CFDP1: variants seen among roughly 807,000 people sequenced by gnomAD.
CFDP1 encodes the protein heterochromatin-stabilizing protein CFDP1.
In CFDP1, 31 loss-of-function variants were observed where a neutral mutation model predicts 40.1. The observed-to-expected ratio is 0.77, with a 90% CI of 0.58 to 1.04. CFDP1 has a LOEUF of 1.04. CFDP1 is among the 50% of genes least tolerant of loss of function. The pLI, the probability that CFDP1 is intolerant of heterozygous loss-of-function variation, is 0.00. For missense variants in CFDP1, 423 were observed against 343.4 expected, an observed-to-expected ratio of 1.23 and a Z score of -1.83; for synonymous variants, 167 against 120.0, an observed-to-expected ratio of 1.39 and a Z score of -2.56.
chr16:75,426,366 A>T (rs1457348671), intron 1 of CFDP1, among the ~76,000 whole-genome samples: 1 of 151,934 alleles, frequency 6.6e-6, no homozygotes, highest in Admixed American at 6.6e-5. Flanking sequence ...AACAAAAACA[A>T]CAACAAAGTA....
chr16:75,341,664 A>G (rs1271937269), intron 5 of CFDP1, among the ~76,000 whole-genome samples: 1 of 151,928 alleles, frequency 6.6e-6, no homozygotes, highest in East Asian at 1.9e-4. Flanking sequence ...AGAAAGGAAA[A>G]AAAAAAAAGG....
intron 5 of CFDP1, among the ~76,000 whole-genome samples, chr16:75,355,939 T>C (rs527240536): frequency 2.0e-5 from 3 of 152,250 alleles, no homozygotes; most frequent in African/African-American, 7.2e-5. Flanking sequence ...ATACAGGCTA[T>C]ACTTCTCATA....
intron 5 of CFDP1, among the ~76,000 whole-genome samples, chr16:75,358,478 T>TA (rs11373935): frequency 0.52 from 79,410 of 151,996 alleles, 21,708 homozygotes; most frequent in Admixed American, 0.64. Context: ...TAAAATGAGG[T>TA]ATTTATTAAA....
At chr16:75,338,675 C>T (rs117413308) in intron 5 of CFDP1, among the ~76,000 whole-genome samples, 6,649 of 152,166 alleles carry the variant, frequency 0.044, 207 homozygotes, top group Non-Finnish European at 0.066. Flanking sequence ...TTGATCCCCC[C>T]CTTTCATTTT....
intron 1 of CFDP1, among the ~76,000 whole-genome samples, chr16:75,432,201 C>T (rs1294545458): frequency 6.7e-6 from 1 of 149,810 alleles, no homozygotes; most frequent in South Asian, 2.1e-4. Flanking sequence ...TGAGCCACCG[C>T]GCCAGGAATG....
At chr16:75,364,567 T>C (rs1336943092) in intron 5 of CFDP1, among the ~76,000 whole-genome samples, 1 of 152,238 alleles carries the variant, frequency 6.6e-6, no homozygotes, top group Non-Finnish European at 1.5e-5. Context: ...CTCTGACAGC[T>C]AATGGAATGT....
At chr16:75,330,163 A>G (rs1239402775) in intron 5 of CFDP1, among the ~76,000 whole-genome samples, 2 of 152,222 alleles carry the variant, frequency 1.3e-5, no homozygotes, top group African/African-American at 4.8e-5. Flanking sequence ...ATATTCCTCA[A>G]TGACCCACAT....
chr16:75,385,470 T>G (rs912510125), intron 5 of CFDP1, among the ~76,000 whole-genome samples: 7 of 152,092 alleles, frequency 4.6e-5, no homozygotes, highest in African/African-American at 1.7e-4. Flanking sequence ...AACAACAAAG[T>G]TTTTGTATCC....
intron 1 of CFDP1, among the ~76,000 whole-genome samples, chr16:75,419,442 G>C (rs1356768803): frequency 6.6e-6 from 1 of 152,152 alleles, no homozygotes; most frequent in Non-Finnish European, 1.5e-5. Flanking sequence ...GAATTAGAAA[G>C]ACATCACTTC....
chr16:75,429,787 A>G (rs1646656576), intron 1 of CFDP1, among the ~76,000 whole-genome samples: 1 of 152,236 alleles, frequency 6.6e-6, no homozygotes, highest in Non-Finnish European at 1.5e-5. Flanking sequence ...GATGATTTAT[A>G]CAATTCTAAA....
chr16:75,407,124 T>G (rs1428869366), intron 4 of CFDP1, among the ~76,000 whole-genome samples: 2 of 152,172 alleles, frequency 1.3e-5, no homozygotes, highest in Admixed American at 6.6e-5. Context: ...GGAGGATCAC[T>G]TGAGCCCATG....
intron 6 of CFDP1, among the ~76,000 whole-genome samples, chr16:75,299,986 G>A (rs1032406336): frequency 6.6e-6 from 1 of 152,166 alleles, no homozygotes; most frequent in Non-Finnish European, 1.5e-5. Context: ...GAAGAGGACA[G>A]AGGTAGGCAG....
chr16:75,350,787 A>G lies in CFDP1; in HGVS notation c.650+44303T>C, dbSNP rs79743076. On this transcript the variant is annotated intron_variant, in intron 5 of 6. Coordinates refer to ENST00000283882, the MANE Select transcript of CFDP1 (RefSeq NM_006324.3). ...ATGAGGAAACTCTCAAATGAAAAAA[A>G]GTAGAGAAAATTGTATATGGTCTAT... is the stretch of plus-strand genomic sequence containing the variant. 2.3e-3 allele frequency among the ~76,000 whole-genome samples: 347 copies of G among 152,324 alleles called. 1 individual carries two copies. Among genetic ancestry groups the G allele is most frequent in the Non-Finnish European group, 4.0e-3 (270 of 68,014 alleles).
chr16:75,397,090 AT>A (rs893380278), intron 4 of CFDP1, among the ~76,000 whole-genome samples: 8 of 151,858 alleles, frequency 5.3e-5, no homozygotes, highest in Middle Eastern at 6.8e-3. Context: ...ATTTTTTTGT[AT>A]TTTTAGTAGA....
chr16:75,343,953 G>GGT (rs1462193240), intron 5 of CFDP1, among the ~76,000 whole-genome samples: 1 of 152,034 alleles, frequency 6.6e-6, no homozygotes, highest in Admixed American at 6.6e-5. Flanking sequence ...TCTCTAGCAG[G>GGT]GTACTCACTT....
chr16:75,401,344 C>T (rs2079051240), intron 4 of CFDP1, among the ~76,000 whole-genome samples: 2 of 148,156 alleles, frequency 1.3e-5, no homozygotes, highest in South Asian at 2.1e-4. Context: ...AGGAGAATGG[C>T]GTGAACCAGG....
intron 5 of CFDP1, among the ~76,000 whole-genome samples, chr16:75,368,937 T>C (rs868403881): frequency 7.4e-4 from 113 of 152,322 alleles, no homozygotes; most frequent in African/African-American, 2.6e-3. Context: ...ATCAGTACTT[T>C]CCTTTTTACA....
At chr16:75,362,481 A>G (rs183369997) in intron 5 of CFDP1, among the ~76,000 whole-genome samples, 2 of 152,334 alleles carry the variant, frequency 1.3e-5, no homozygotes, top group Non-Finnish European at 2.9e-5. Flanking sequence ...TAAATGTGTA[A>G]TTACATTTGA....
intron 5 of CFDP1, among the ~76,000 whole-genome samples, chr16:75,368,871 GTTGT>G (rs1055854124): frequency 7.9e-5 from 12 of 151,992 alleles, no homozygotes; most frequent in Admixed American, 2.0e-4. Context: ...ATAATAAAAA[GTTGT>G]TTGTTTGTTT....
Sources: gnomAD v4.1 joint callset for allele counts (sites outside exome capture counted in the v4.1 genomes callset) on GRCh38, gnomAD v4.1.1 for gene constraint, MANE v1.5 for transcripts, NCBI Gene and HGNC (gene_info 2026-07-23, HGNC 2026-07-21) for gene names.